The following IKZF4 variants were observed in gnomAD, a reference collection of about 807,000 sequenced individuals.
The protein encoded by IKZF4 is IKAROS family zinc finger 4.
Under a neutral mutation model 47.7 loss-of-function variants are expected in IKZF4, and 11 were observed. The observed-to-expected ratio is 0.23, with a 90% CI of 0.15 to 0.38. IKZF4 has a LOEUF of 0.38. Ranked by LOEUF, IKZF4 falls within the 10% of genes least tolerant of loss-of-function variation. IKZF4 has a pLI of 1.00. For synonymous variants in IKZF4, 298 were observed against 299.4 expected (o/e 1.00, Z 0.05); for missense variants, 557 against 784.9 (o/e 0.71, Z 3.47).
At chr12:56,029,029 C>T (rs1592974153) in intron 5 of IKZF4, among the ~76,000 whole-genome samples, 1 of 152,204 alleles carries the variant, frequency 6.6e-6, no homozygotes, top group Non-Finnish European at 1.5e-5. Flanking sequence ...CCTCCCACAC[C>T]ACCAGAGGTC....
intron 1 of IKZF4, among the ~76,000 whole-genome samples, chr12:56,007,886 C>T (rs1189074264): frequency 6.8e-6 from 1 of 147,498 alleles, no homozygotes; most frequent in Non-Finnish European, 1.5e-5. Context: ...GGGCTGGGGC[C>T]GGAGGGTTGG....
chr12:56,028,018 T>C, intron 5 of IKZF4, 71 bp downstream of exon 5: 1 of 1,440,116 alleles, frequency 6.9e-7, no homozygotes, highest in South Asian at 1.5e-5. Flanking sequence ...CAGTGACTTC[T>C]CTTGTATTTG....
chr12:56,012,762 A>G (rs998423818), intron 2 of IKZF4, among the ~76,000 whole-genome samples: 6 of 152,044 alleles, frequency 3.9e-5, no homozygotes, highest in Non-Finnish European at 8.8e-5. Flanking sequence ...AATGTGTTGT[A>G]ATGTTGATAG....
At chr12:56,030,291 G>A (rs1894713268) in intron 5 of IKZF4, among the ~76,000 whole-genome samples, 2 of 151,974 alleles carry the variant, frequency 1.3e-5, no homozygotes. Context: ...AAAACTAGGT[G>A]TGGTGGCACA....
intron 1 of IKZF4, among the ~76,000 whole-genome samples, chr12:56,008,127 G>GTGT (rs1890923742): frequency 6.6e-6 from 1 of 152,210 alleles, no homozygotes; most frequent in African/African-American, 2.4e-5. Context: ...AGGGACCCGG[G>GTGT]TGTTGGGTCG....
chr12:56,013,979 T>C (rs1006875130), intron 2 of IKZF4, among the ~76,000 whole-genome samples: 18 of 152,014 alleles, frequency 1.2e-4, no homozygotes, highest in African/African-American at 4.3e-4. Context: ...GGCAAAACCC[T>C]GTCTCTACTA....
intron 3 of IKZF4, among the ~76,000 whole-genome samples, chr12:56,026,366 G>A (rs1163007612): frequency 6.6e-6 from 1 of 152,064 alleles, no homozygotes; most frequent in African/African-American, 2.4e-5. Flanking sequence ...GAATGTCTCA[G>A]GGCCTAAAGA....
intron 2 of IKZF4, among the ~76,000 whole-genome samples, chr12:56,012,173 A>G (rs1024734014): frequency 2.6e-5 from 4 of 151,826 alleles, no homozygotes; most frequent in African/African-American, 9.7e-5. Flanking sequence ...AAAACATGGT[A>G]TGGATCCTTG....
chr12:56,013,757 A>G (rs977732612), intron 2 of IKZF4, among the ~76,000 whole-genome samples: 7 of 152,176 alleles, frequency 4.6e-5, no homozygotes, highest in Non-Finnish European at 1.0e-4. Flanking sequence ...AGTAAAGTAC[A>G]TCTGCTGATT....
chr12:56,031,145 G>C (rs534843061), intron 5 of IKZF4, among the ~76,000 whole-genome samples: 60 of 152,214 alleles, frequency 3.9e-4, no homozygotes, highest in African/African-American at 1.0e-3. Flanking sequence ...CCAGCTACTG[G>C]GAGGCTGAGG....
upstream of IKZF4, among the ~76,000 whole-genome samples, chr12:56,016,673 C>A (rs1253165535): frequency 6.6e-6 from 1 of 151,808 alleles, no homozygotes; most frequent in South Asian, 2.1e-4. Context: ...CTTGGGTCAC[C>A]GCAACCTCCG....
Position 56,035,014 on chromosome 12 carries a change from C to A in IKZF4, c.1441C>A (p.Pro481Thr), listed in dbSNP as rs745576630. 6.4e-7 allele frequency: 1 copy of A among 1,554,480 alleles called. No homozygotes were observed. The highest frequency in any genetic ancestry group is 8.7e-7 in the Non-Finnish European group (1 of 1,148,618). Residue 481 changes from proline to threonine, a missense_variant, in exon 8 of 8, where the codon CCA becomes ACA. Physicochemically the swap from Pro to Thr is conservative, Grantham distance 38. Coordinates refer to ENST00000547167, the MANE Select transcript of IKZF4 (RefSeq NM_022465.4). The surrounding 1 kb of genome is among the most constrained non-coding windows in gnomAD (Gnocchi z 6.1). ...CCTCCCTCAGGGTCCCCCACCCCAG[C>A]CACCTCCCACCATTGTGGTGGGCCG... ...VSLPQGPPPQ[P>T]PPTIVVGRHS...
intron 2 of IKZF4, among the ~76,000 whole-genome samples, chr12:56,012,066 G>A (rs1412653239): frequency 1.3e-5 from 2 of 152,056 alleles, no homozygotes; most frequent in Non-Finnish European, 2.9e-5. Context: ...GTTCTGTCTT[G>A]TTAATAACTA....
chr12:56,018,227 C>G, upstream of IKZF4: 1 of 1,257,412 alleles, frequency 8.0e-7, no homozygotes, highest in Non-Finnish European at 1.0e-6. Context: ...CAGACACTCT[C>G]CTGTAGAGCA....
intron 5 of IKZF4, among the ~76,000 whole-genome samples, chr12:56,030,427 T>C (rs1894735911): frequency 7.0e-6 from 1 of 142,734 alleles, no homozygotes; most frequent in African/African-American, 2.6e-5. Flanking sequence ...TGAGACCCCA[T>C]CTTGGGGAAA....
intron 1 of IKZF4, 39 bp downstream of exon 1, chr12:56,021,619 G>C (rs376548165): frequency 1.1e-4 from 168 of 1,568,346 alleles, no homozygotes; most frequent in African/African-American, 1.1e-3. Flanking sequence ...AGGGAGGAAG[G>C]GGGGTGCTGG....
rs548907103 is a variant in IKZF4 at position 56,028,755 on chromosome 12, T to C, written c.715+808T>C. ...ACACCCAGCTAATTTTTCTATTTTT[T>C]TGTAGAGACAGGATCTCCCTATGCT... On this transcript the variant is annotated intron_variant, in intron 5 of 7. Coordinates refer to ENST00000547167, the MANE Select transcript of IKZF4 (RefSeq NM_022465.4). Among the ~76,000 whole-genome samples, 15 of 152,124 alleles carry C rather than the reference T, an allele frequency of 9.9e-5. No homozygotes were observed. In the East Asian group the frequency reaches 1.9e-3, roughly 20 times the overall value.
chr12:56,035,029 G>A lies in IKZF4; in HGVS notation c.1456G>A (p.Val486Met). The change falls in exon 8 of 8, where the codon GTG becomes ATG. Residue 486 changes from valine (V) to methionine (M), a missense_variant. By Grantham distance (21) the Val-to-Met change is conservative. Around this residue, in one of 6 missense-constraint regions of IKZF4, gnomAD observed 280 missense variants for 314.0 expected, o/e 0.89. Coordinates refer to ENST00000547167, the MANE Select transcript of IKZF4 (RefSeq NM_022465.4). This position sits in a 1 kb window ranked among gnomAD's most constrained non-coding sequence, Gnocchi z 6.1. ...CCCACCCCAGCCACCTCCCACCATT[G>A]TGGTGGGCCGGCACAGTCCTGCCTA... ...GPPPQPPPTI[V>M]VGRHSPAYAK... 2 of 1,559,472 alleles carry A rather than the reference G, an allele frequency of 1.3e-6. No individual in the cohort carries two copies. Among genetic ancestry groups the A allele is most frequent in the Non-Finnish European group, 8.7e-7 (1 of 1,151,476 alleles).
At position 56,025,157 on chromosome 12, in the gene IKZF4, T is replaced by C. The variant is rs370529662; in HGVS notation, c.285T>C (p.Ser95=). Residue 95 remains serine, a splice_region_variant and synonymous_variant, in exon 3 of 8, where the codon AGT becomes AGC. Transcript: ENST00000547167. ...SQHSSPSRSL[S]ANSIKVEMYS... is the part of the protein sequence containing the mutation. ...ACTCTTCTCCTAGCCGCTCACTCAG[T>C]GGTAAGTGTAACCTCCTACCACCTC... 290 of 1,583,248 alleles carry C rather than the reference T, an allele frequency of 1.8e-4. No homozygotes were observed. Among genetic ancestry groups the C allele is most frequent in the Non-Finnish European group, 2.0e-4 (230 of 1,166,572 alleles).
Sources: allele counts gnomAD v4.1 joint callset (sites outside exome capture counted in the v4.1 genomes callset), GRCh38; gene constraint gnomAD v4.1.1; regional missense constraint gnomAD v4.1.1; non-coding constraint Gnocchi (gnomAD v3.1); transcripts MANE v1.5; gene names NCBI Gene and HGNC (gene_info 2026-07-23, HGNC 2026-07-21).